The following ARK2N variants were observed in gnomAD, a reference collection of about 807,000 sequenced individuals.
The protein encoded by ARK2N is arkadia (RNF111) N-terminal like PKA signaling regulator 2N, also known as protein ARK2N.
the ARK2N span, among the ~76,000 whole-genome samples, chr18:46,222,323 CT>C: frequency 0.013 from 2,022 of 152,308 alleles, 21 homozygotes; most frequent in Non-Finnish European, 0.021. Context: ...ACAGTGGAGT[CT>C]GGTTTTTTTG....
chr18:46,209,435 C>T, the ARK2N span, among the ~76,000 whole-genome samples: 1 of 151,972 alleles, frequency 6.6e-6, no homozygotes, highest in Non-Finnish European at 1.5e-5. Context: ...CAGCTTTATA[C>T]TTTATAGTTC....
chr18:46,263,269 CT>C, the ARK2N span: 11 of 682,048 alleles, frequency 1.6e-5, no homozygotes, highest in South Asian at 9.3e-5. Flanking sequence ...CTCTTCCCCC[CT>C]TTTTTTAATT....
At chr18:46,265,535 A>C in the ARK2N span, 1 of 152,198 alleles carries the variant, frequency 6.6e-6, no homozygotes, top group Non-Finnish European at 1.5e-5. Context: ...CCAGCTCCCA[A>C]CTGCCTGACT....
At chr18:46,202,931 G>A in the ARK2N span, among the ~76,000 whole-genome samples, 1 of 151,888 alleles carries the variant, frequency 6.6e-6, no homozygotes, top group Non-Finnish European at 1.5e-5. Flanking sequence ...AGAGAATACT[G>A]TTTTACTTCC....
At chr18:46,217,817 TG>T in the ARK2N span, 1 of 152,178 alleles carries the variant, frequency 6.6e-6, no homozygotes, top group Non-Finnish European at 1.5e-5. Flanking sequence ...TATTGTTCCT[TG>T]TAATAAAACT....
the ARK2N span, among the ~76,000 whole-genome samples, chr18:46,225,489 C>T: frequency 2.0e-5 from 3 of 152,046 alleles, no homozygotes; most frequent in Non-Finnish European, 4.4e-5. Context: ...GACGAAGTCT[C>T]GCTTTGTCGC....
chr18:46,191,841 C>T, the ARK2N span, among the ~76,000 whole-genome samples: 8 of 152,206 alleles, frequency 5.3e-5, no homozygotes, highest in African/African-American at 1.2e-4. Context: ...TTCCCCCACC[C>T]TCTGGCAACC....
chr18:46,210,622 A>C, the ARK2N span, among the ~76,000 whole-genome samples: 2 of 152,076 alleles, frequency 1.3e-5, no homozygotes, highest in Non-Finnish European at 2.9e-5. Flanking sequence ...AGAAGAGCTC[A>C]CTTTGGGCCA....
At chr18:46,258,749 C>T in the ARK2N span, among the ~76,000 whole-genome samples, 13 of 152,046 alleles carry the variant, frequency 8.6e-5, no homozygotes, top group Admixed American at 8.5e-4. Context: ...TGAGTATGTT[C>T]CTACCTCATG....
the ARK2N span, among the ~76,000 whole-genome samples, chr18:46,255,608 C>G: frequency 1.7e-4 from 26 of 151,768 alleles, no homozygotes; most frequent in African/African-American, 6.3e-4. Context: ...TGCGCCACCA[C>G]GCTCCGCTAA....
the ARK2N span, chr18:46,263,195 A>T: frequency 7.2e-7 from 1 of 1,397,266 alleles, no homozygotes; most frequent in East Asian, 2.5e-5. Flanking sequence ...GTTCATTGTC[A>T]TAGCTTCAGC....
the ARK2N span, among the ~76,000 whole-genome samples, chr18:46,234,666 A>G: frequency 1.3e-5 from 2 of 150,710 alleles, no homozygotes; most frequent in African/African-American, 2.4e-5. Context: ...TATTCCCCCT[A>G]TTTAGATTCC....
At chr18:46,217,263 A>T in the ARK2N span, 1 of 152,310 alleles carries the variant, frequency 6.6e-6, no homozygotes, top group Non-Finnish European at 1.5e-5. Context: ...AACTTATTAC[A>T]TATTTGGTAA....
At chr18:46,211,987 G>A in the ARK2N span, among the ~76,000 whole-genome samples, 1 of 152,140 alleles carries the variant, frequency 6.6e-6, no homozygotes, top group Non-Finnish European at 1.5e-5. Context: ...TGGTTGTATG[G>A]AAAGATTAAT....
chr18:46,215,686 A>C, the ARK2N span: 6 of 419,200 alleles, frequency 1.4e-5, no homozygotes, highest in East Asian at 3.9e-5. Context: ...GCAGATAATA[A>C]TATATATATA....
At chr18:46,208,717 C>G in the ARK2N span, among the ~76,000 whole-genome samples, 2,162 of 151,980 alleles carry the variant, frequency 0.014, 59 homozygotes, top group African/African-American at 0.049. Flanking sequence ...ATCCATCCAC[C>G]CTGACCTCCC....
At chr18:46,262,437 T>C in the ARK2N span, among the ~76,000 whole-genome samples, 2 of 152,230 alleles carry the variant, frequency 1.3e-5, no homozygotes, top group Non-Finnish European at 2.9e-5. Context: ...TTACAGACTT[T>C]TAGAAATTTA....
At chr18:46,213,630 A>G in the ARK2N span, among the ~76,000 whole-genome samples, 1 of 152,220 alleles carries the variant, frequency 6.6e-6, no homozygotes, top group Admixed American at 6.5e-5. Context: ...CAACATTAGT[A>G]TTATAATTGA....
chr18:46,200,226 G>A, the ARK2N span, among the ~76,000 whole-genome samples: 1 of 152,168 alleles, frequency 6.6e-6, no homozygotes, highest in African/African-American at 2.4e-5. Context: ...ATCAGTTTAT[G>A]GAAACTGGGA....
Sources: allele counts gnomAD v4.1 joint callset (sites outside exome capture counted in the v4.1 genomes callset), GRCh38; gene constraint gnomAD v4.1.1; transcripts MANE v1.5; gene names NCBI Gene and HGNC (gene_info 2026-07-23, HGNC 2026-07-21).